The following DGLUCY variants were observed in gnomAD, a reference collection of about 807,000 sequenced individuals.
The protein encoded by DGLUCY is D-glutamate cyclase, mitochondrial.
A neutral mutation model predicts 58.5 loss-of-function variants in DGLUCY; 58 were observed. The observed-to-expected ratio is 0.99, with a 90% confidence interval of 0.80 to 1.23. The LOEUF (loss-of-function observed/expected upper bound fraction) is 1.23, where lower values mean the gene tolerates loss of function less well. Among genes scored for constraint, DGLUCY ranks in the 50% most tolerant of loss-of-function variants. The pLI is 0.00. For synonymous variants in DGLUCY, 325 were observed against 314.1 expected, an observed-to-expected ratio of 1.03 and a Z score of -0.37; for missense variants, 779 against 784.7, an observed-to-expected ratio of 0.99 and a Z score of 0.09.
intron 1 of DGLUCY, among the ~76,000 whole-genome samples, chr14:91,069,336 C>G (rs150725425): frequency 1.3e-5 from 2 of 151,630 alleles, no homozygotes; most frequent in African/African-American, 4.8e-5. Context: ...AGTGCAGTGG[C>G]GTGATCTCAG....
chr14:91,133,147 T>G (rs2046124416), intron 1 of DGLUCY, among the ~76,000 whole-genome samples: 1 of 151,788 alleles, frequency 6.6e-6, no homozygotes, highest in African/African-American at 2.4e-5. Flanking sequence ...ATACAAAAAT[T>G]AGCCGGGCGT....
At chr14:91,126,028 G>C (rs1293932451) in intron 1 of DGLUCY, among the ~76,000 whole-genome samples, 2 of 152,212 alleles carry the variant, frequency 1.3e-5, no homozygotes, top group Non-Finnish European at 2.9e-5. Context: ...GTGCTAAGGA[G>C]GATGGGCTAT....
At chr14:91,163,652 G>A (rs2048116090) in intron 3 of DGLUCY, among the ~76,000 whole-genome samples, 1 of 152,194 alleles carries the variant, frequency 6.6e-6, no homozygotes, top group Non-Finnish European at 1.5e-5. Flanking sequence ...CAGCCCAGCA[G>A]AGGCCACTCC....
intron 1 of DGLUCY, among the ~76,000 whole-genome samples, chr14:91,100,487 C>T (rs939204064): frequency 1.3e-5 from 2 of 152,188 alleles, no homozygotes; most frequent in African/African-American, 2.4e-5. Context: ...TTGGACTTAA[C>T]GTGACTTCTC....
At chr14:91,137,684 C>T (rs919235999) in intron 1 of DGLUCY, among the ~76,000 whole-genome samples, 4 of 151,952 alleles carry the variant, frequency 2.6e-5, no homozygotes, top group African/African-American at 7.3e-5. Context: ...CGTGAGACAC[C>T]GTACTTGGCC....
intron 13 of DGLUCY, among the ~76,000 whole-genome samples, chr14:91,216,835 C>T (rs987873419): frequency 6.6e-6 from 1 of 152,188 alleles, no homozygotes; most frequent in African/African-American, 2.4e-5. Context: ...TAGCCCAGTG[C>T]AGAGGAAGGG....
chr14:91,096,525 G>A (rs866587714), intron 1 of DGLUCY, among the ~76,000 whole-genome samples: 3 of 152,176 alleles, frequency 2.0e-5, no homozygotes, highest in Admixed American at 6.5e-5. Context: ...AGTCAGTAAC[G>A]GATGGAGGAG....
chr14:91,197,049 C>T (rs1193476191), intron 10 of DGLUCY, among the ~76,000 whole-genome samples: 1 of 152,168 alleles, frequency 6.6e-6, no homozygotes, highest in Non-Finnish European at 1.5e-5. Flanking sequence ...TCACTACAAC[C>T]TCCGCCTCCC....
intron 13 of DGLUCY, chr14:91,220,522 C>T (rs1305806391): frequency 2.2e-6 from 1 of 456,352 alleles, no homozygotes; most frequent in Non-Finnish European, 4.4e-6. Context: ...GGAGAGCTCC[C>T]ACAGCCAGAG....
chr14:91,160,544 G>C (rs147322044), intron 3 of DGLUCY, 147 bp downstream of exon 3: 130 of 639,246 alleles, frequency 2.0e-4, no homozygotes, highest in African/African-American at 2.0e-3. Flanking sequence ...TATTAGCTCT[G>C]GTCACTATTT....
At position 91,170,192 on chromosome 14, in the gene DGLUCY, T is replaced by C. The variant is rs1595826681; in HGVS notation, c.447T>C (p.Gly149=). 6.2e-7 allele frequency: 1 copy of C among 1,613,322 alleles called. No individual in the cohort carries two copies. Among genetic ancestry groups the C allele is most frequent in the Non-Finnish European group, 8.5e-7 (1 of 1,179,868 alleles). The change falls in exon 5 of 14, where the codon GGT becomes GGC. Residue 149 remains glycine, a synonymous_variant. Transcript: ENST00000256324. ...RRDPAGHSQA[G]AYKTTVPCVT... Reference sequence around the variant, plus strand: ...ACCCAGCAGGTCACAGCCAGGCGGGTGCATACAAGGTAGGGACACAGCCCA... The same window carrying C: ...ACCCAGCAGGTCACAGCCAGGCGGGCGCATACAAGGTAGGGACACAGCCCA...
At chr14:91,109,195 A>G (rs1041284011), upstream of DGLUCY, among the ~76,000 whole-genome samples, 15 of 152,134 alleles carry the variant, frequency 9.9e-5, 1 homozygote, top group Admixed American at 7.9e-4. Flanking sequence ...TGAGAAATAT[A>G]CTTTTGAAAA....
intron 7 of DGLUCY, among the ~76,000 whole-genome samples, chr14:91,180,549 G>T (rs191281714): frequency 0.011 from 1,559 of 148,426 alleles, 14 homozygotes; most frequent in Non-Finnish European, 0.017. Context: ...TCCAGCCTGG[G>T]TGACACAACA....
intron 1 of DGLUCY, among the ~76,000 whole-genome samples, chr14:91,095,800 G>A (rs951025050): frequency 2.1e-5 from 3 of 145,930 alleles, no homozygotes; most frequent in South Asian, 2.3e-4. Flanking sequence ...CCAGCTTTCC[G>A]TCTGGGCCCA....
intron 1 of DGLUCY, among the ~76,000 whole-genome samples, chr14:91,129,398 G>C (rs1211697295): frequency 6.6e-6 from 1 of 151,776 alleles, no homozygotes; most frequent in Admixed American, 6.6e-5. Flanking sequence ...AGTACTATAT[G>C]GTTCGGTTTT....
At chr14:91,081,699 A>G (rs2044130294) in intron 1 of DGLUCY, among the ~76,000 whole-genome samples, 1 of 152,062 alleles carries the variant, frequency 6.6e-6, no homozygotes, top group East Asian at 1.9e-4. Context: ...TTCAAAGGCC[A>G]TCTCTCCAGC....
intron 1 of DGLUCY, among the ~76,000 whole-genome samples, chr14:91,122,573 G>T (rs2045433750): frequency 6.9e-6 from 1 of 144,204 alleles, no homozygotes; most frequent in Non-Finnish European, 1.5e-5. Flanking sequence ...TCAATGTTAT[G>T]TGTATTTTAA....
chr14:91,173,246 A>G lies in DGLUCY; in HGVS notation c.457-43A>G, dbSNP rs766751096. On this transcript the variant is annotated intron_variant, in intron 5 of 13. Transcript: ENST00000256324. Reference sequence around the variant, plus strand: ...CAGAGCTTGGATCTGTGCTAATTCCATTTTTTAACATTTTCACTTGATTTT... The same window carrying G: ...CAGAGCTTGGATCTGTGCTAATTCCGTTTTTTAACATTTTCACTTGATTTT... The G allele has an allele frequency of 2.5e-6, 4 of 1,608,086 alleles. No homozygotes were observed. In the Admixed American group the frequency reaches 5.0e-5, roughly 20 times the overall value.
chr14:91,078,879 TA>T (rs2044076199), intron 1 of DGLUCY, among the ~76,000 whole-genome samples: 1 of 139,472 alleles, frequency 7.2e-6, no homozygotes, highest in Non-Finnish European at 1.6e-5. Context: ...TTTTAATTTT[TA>T]TTTATTTATT....
Sources: gnomAD v4.1 joint callset for allele counts (sites outside exome capture counted in the v4.1 genomes callset) on GRCh38, gnomAD v4.1.1 for gene constraint, MANE v1.5 for transcripts, NCBI Gene and HGNC (gene_info 2026-07-23, HGNC 2026-07-21) for gene names.